The following NUP98 variants were observed in gnomAD, a reference collection of about 807,000 sequenced individuals.
NUP98 encodes nucleoporin 98 and 96 precursor.
Under a neutral mutation model 191.9 loss-of-function variants are expected in NUP98, and 26 were observed. The observed-to-expected ratio is 0.14, with a 90% CI of 0.10 to 0.19. The LOEUF is 0.19. Among genes scored for constraint, NUP98 ranks in the 10% least tolerant of loss-of-function variants. The probability of loss-of-function intolerance (pLI) is 1.00; values close to 1 mark genes in which losing one functional copy is unlikely to be tolerated. For synonymous variants in NUP98, 808 were observed against 778.4 expected (o/e 1.04, Z -0.63); for missense variants, 1,941 against 2,178.8 (o/e 0.89, Z 2.17).
intron 26 of NUP98, 88 bp downstream of exon 26, chr11:3,695,361 T>G (rs1253063955): frequency 2.4e-6 from 3 of 1,254,806 alleles, no homozygotes; most frequent in Non-Finnish European, 3.2e-6. Context: ...GTGCACAATT[T>G]ACAAAGATCA....
chr11:3,769,723 T>C (rs1245165397), intron 7 of NUP98, among the ~76,000 whole-genome samples: 6 of 150,006 alleles, frequency 4.0e-5, no homozygotes, highest in Admixed American at 2.7e-4. Context: ...GCATGGCCAA[T>C]ATGGTGAAAC....
At chr11:3,779,337 A>G (rs2081869055) in intron 2 of NUP98, 80 bp from the exon 3 acceptor site, 1 of 1,176,516 alleles carries the variant, frequency 8.5e-7, no homozygotes, top group Non-Finnish European at 1.3e-6. Flanking sequence ...GCATTTTAAT[A>G]TTTCTTAAAA....
intron 20 of NUP98, among the ~76,000 whole-genome samples, chr11:3,710,861 T>TTTTA (rs2079007673): frequency 6.6e-6 from 1 of 152,128 alleles, no homozygotes; most frequent in Admixed American, 6.6e-5. Context: ...GTCTGGACAT[T>TTTTA]TAAATACCTC....
At chr11:3,680,079 C>G (rs1288288886) in intron 30 of NUP98, among the ~76,000 whole-genome samples, 1 of 152,216 alleles carries the variant, frequency 6.6e-6, no homozygotes, top group Non-Finnish European at 1.5e-5. Context: ...AGTCATCTTT[C>G]TGGTGGTGGA....
intron 1 of NUP98, among the ~76,000 whole-genome samples, 181 bp downstream of exon 1, chr11:3,797,219 G>C (rs369330921): frequency 6.6e-6 from 1 of 152,220 alleles, no homozygotes; most frequent in Non-Finnish European, 1.5e-5. Context: ...CTCCAAAGCC[G>C]GGCCTCCCGG....
chr11:3,779,279 T>A (rs2081866167), intron 2 of NUP98, 22 bp from the exon 3 acceptor site: 1 of 1,536,492 alleles, frequency 6.5e-7, no homozygotes, highest in Admixed American at 1.7e-5. Context: ...AAATCCAGAG[T>A]AAATTAGAAT....
At chr11:3,730,128 G>A (rs1199962963) in intron 14 of NUP98, among the ~76,000 whole-genome samples, 1 of 151,820 alleles carries the variant, frequency 6.6e-6, no homozygotes, top group Non-Finnish European at 1.5e-5. Flanking sequence ...CCAGCTACTT[G>A]GGAAGCTGAG....
At chr11:3,794,724 T>C (rs1352899513) in intron 1 of NUP98, among the ~76,000 whole-genome samples, 2 of 152,122 alleles carry the variant, frequency 1.3e-5, no homozygotes, top group African/African-American at 4.8e-5. Context: ...TGATGTTTCT[T>C]TGATTTCAGC....
chr11:3,748,879 T>G (rs1471527928), intron 11 of NUP98, among the ~76,000 whole-genome samples: 1 of 151,742 alleles, frequency 6.6e-6, no homozygotes, highest in Non-Finnish European at 1.5e-5. Flanking sequence ...AAAATTTATG[T>G]GGTAGAAGTT....
chr11:3,786,670 T>G (rs1214910359), intron 1 of NUP98, among the ~76,000 whole-genome samples: 1 of 152,228 alleles, frequency 6.6e-6, no homozygotes, highest in Non-Finnish European at 1.5e-5. Context: ...CTGTCCAAAC[T>G]GAAGTTCTAT....
At chr11:3,702,324 CTCTCTCTCTCTCTCTCTCTCTCTCT>C (rs2078723075) in intron 23 of NUP98, 114 bp downstream of exon 23, 3 of 152,444 alleles carry the variant, frequency 2.0e-5, no homozygotes, top group Admixed American at 9.8e-5. Flanking sequence ...CTCTCTCTCT[CTCTCTCTCTCTCTCTCTCTCTCTCT>C]CTCTCTCTCT....
intron 2 of NUP98, among the ~76,000 whole-genome samples, chr11:3,780,153 T>G (rs2081906846): frequency 6.6e-6 from 1 of 152,082 alleles, no homozygotes; most frequent in African/African-American, 2.4e-5. Context: ...CAAAGGTGAC[T>G]GTGATGGGCA....
chr11:3,793,719 C>CCAG (rs1221553869), intron 1 of NUP98, among the ~76,000 whole-genome samples: 1 of 151,924 alleles, frequency 6.6e-6, no homozygotes, highest in African/African-American at 2.4e-5. Flanking sequence ...GCCTGTAATC[C>CCAG]CAGCACTTTG....
chr11:3,756,100 A>G (rs1257898349), intron 10 of NUP98, among the ~76,000 whole-genome samples: 1 of 152,266 alleles, frequency 6.6e-6, no homozygotes, highest in African/African-American at 2.4e-5. Context: ...TGCCTACTCA[A>G]GCATCATCAA....
chr11:3,686,206 G>A lies in NUP98; in HGVS notation c.4455-12C>T, dbSNP rs115899925. The A allele has an allele frequency of 1.1e-3, 1,820 of 1,612,730 alleles. 11 individuals carry two copies. The African/African-American group carries it at 0.021, about 19-fold the overall frequency. On this transcript the variant is annotated splice_polypyrimidine_tract_variant and intron_variant, in intron 28 of 32. Transcript: ENST00000324932. Reference sequence around the variant, plus strand: ...TGAGATCATAATGTCTGCAAAGAACGTGTTGAGAGTCAACATACACAGCCA... The same window carrying A: ...TGAGATCATAATGTCTGCAAAGAACATGTTGAGAGTCAACATACACAGCCA...
Position 3,689,063 on chromosome 11 carries a change from G to A in NUP98, c.4454+2284C>T, listed in dbSNP as rs192824963. 2.3e-3 allele frequency among the ~76,000 whole-genome samples: 352 copies of A among 151,504 alleles called. 2 individuals carry two copies. Among genetic ancestry groups the A allele is most frequent in the African/African-American group, 8.3e-3 (342 of 41,258 alleles). On this transcript the variant is annotated intron_variant, in intron 28 of 32. Transcript: ENST00000324932. The stretch of plus-strand genomic sequence containing the variant: ...AGCCTGGGCAATGTGGCAAAATCTT[G>A]TCTACAAAAAATACAAGAATTAGCT...
At chr11:3,707,636 C>T (rs115282343) in intron 20 of NUP98, among the ~76,000 whole-genome samples, 2,211 of 148,360 alleles carry the variant, frequency 0.015, 45 homozygotes, top group African/African-American at 0.05. Flanking sequence ...GGATTACAGG[C>T]ACATGCCTAT....
intron 30 of NUP98, 80 bp from the exon 31 acceptor site, chr11:3,679,788 G>A (rs1344280701): frequency 7.3e-7 from 1 of 1,371,478 alleles, no homozygotes; most frequent in African/African-American, 1.4e-5. Flanking sequence ...CAGGAAGACA[G>A]AAAGGAAGGA....
intron 1 of NUP98, among the ~76,000 whole-genome samples, chr11:3,791,153 C>A (rs992172676): frequency 2.6e-5 from 4 of 152,028 alleles, no homozygotes; most frequent in Admixed American, 2.6e-4. Context: ...CCTCAGCCTC[C>A]CAAAGTGCTG....
Sources: allele counts gnomAD v4.1 joint callset (sites outside exome capture counted in the v4.1 genomes callset), GRCh38; gene constraint gnomAD v4.1.1; transcripts MANE v1.5; gene names NCBI Gene and HGNC (gene_info 2026-07-23, HGNC 2026-07-21).